The following QSOX2 variants were observed in gnomAD, a reference collection of about 807,000 sequenced individuals.
The protein encoded by QSOX2 is sulfhydryl oxidase 2.
A neutral mutation model predicts 61.7 loss-of-function variants in QSOX2; 46 were observed. That is an observed-to-expected ratio of 0.75 (90% CI 0.59 to 0.95). The LOEUF is 0.95. Among genes scored for constraint, QSOX2 ranks in the 40% least tolerant of loss-of-function variants. The pLI is 0.00. For missense variants in QSOX2, 879 were observed against 918.9 expected (o/e 0.96, Z 0.56); for synonymous variants, 383 against 388.4 (o/e 0.99, Z 0.16).
At position 136,222,847 on chromosome 9, in the gene QSOX2, C is replaced by T. The variant is rs564270574; in HGVS notation, c.676-906G>A. 9.2e-5 allele frequency among the ~76,000 whole-genome samples: 14 copies of T among 152,304 alleles called. No homozygotes were observed. Among genetic ancestry groups the T allele is most frequent in the African/African-American group, 2.2e-4 (9 of 41,574 alleles). On this transcript the variant is annotated intron_variant, in intron 5 of 11. Transcript: ENST00000358701. This position sits in a 1 kb window ranked among gnomAD's most constrained non-coding sequence, Gnocchi z 6.9. The stretch of plus-strand genomic sequence containing the variant: ...GGCCCCGCCCGAGACAGCAAGGGCA[C>T]GAGGGGCCTTGGGACAGGGGTGAGG...
intron 11 of QSOX2, 34 bp downstream of exon 11, chr9:136,211,230 C>G: frequency 6.2e-7 from 1 of 1,606,012 alleles, no homozygotes; most frequent in Non-Finnish European, 8.5e-7. Flanking sequence ...TCCCTCCGCC[C>G]GTGCTGAGCC....
In QSOX2 at chr9:136,218,806, G is replaced by A. The variant is rs202194021; in HGVS notation, c.959C>T (p.Ser320Leu). 44 of 1,612,926 alleles carry A rather than the reference G, an allele frequency of 2.7e-5. No homozygotes were observed. Among genetic ancestry groups the A allele is most frequent in the Middle Eastern group, 1.6e-4 (1 of 6,078 alleles). The change falls in exon 8 of 12, where the codon TCG becomes TTG. Residue 320 changes from serine to leucine, a missense_variant and splice_region_variant. Physicochemically the swap from Ser to Leu is moderately radical, Grantham distance 145. Transcript: ENST00000358701. ...EIVVWREFDK[S>L]KLYTVDLESG... ...CTCCAGGTCCACCGTGTACAGCTTC[G>A]ACCTAGGACGGGATATGGCAGCGTC...
chr9:136,223,945 A>T lies in QSOX2; in HGVS notation c.584+62T>A. 1 of 1,575,810 alleles carries T rather than the reference A, an allele frequency of 6.3e-7. No homozygotes were observed. The highest frequency in any genetic ancestry group is 1.1e-5 in the South Asian group (1 of 90,030). ...TGGCCACATCACTTAATAGAAACCTATTACGTTTCTTGCACAGTTCAACAC... is the reference window on the plus strand; with the variant it reads ...TGGCCACATCACTTAATAGAAACCTTTTACGTTTCTTGCACAGTTCAACAC... On this transcript the variant is annotated intron_variant, in intron 4 of 11. Transcript: ENST00000358701. This position sits in a 1 kb window ranked among gnomAD's most constrained non-coding sequence, Gnocchi z 4.4.
In QSOX2 at chr9:136,222,000, G is replaced by A. The variant is rs535320144; in HGVS notation, c.676-59C>T. The A allele has an allele frequency of 2.2e-5, 32 of 1,487,238 alleles. No homozygotes were observed. The highest frequency in any genetic ancestry group is 8.8e-5 in the Admixed American group (4 of 45,592). 92.1% of individuals were successfully genotyped at this position (1,487,238 alleles called of 1,614,324 possible). Reference sequence around the variant, plus strand: ...GGGCTGGCAGTTTCTCAGAAAACACGACGTGCAGACACATGGCCTTGCAGG... The same window carrying A: ...GGGCTGGCAGTTTCTCAGAAAACACAACGTGCAGACACATGGCCTTGCAGG... On this transcript the variant is annotated intron_variant, in intron 5 of 11. Transcript: ENST00000358701. The surrounding 1 kb of genome is among the most constrained non-coding windows in gnomAD (Gnocchi z 4.5).
In QSOX2 at chr9:136,209,682, C is replaced by G; in HGVS notation, c.1550-407G>C. 1 of 985,134 alleles carries G rather than the reference C, an allele frequency of 1.0e-6. No homozygotes were observed. Among genetic ancestry groups the G allele is most frequent in the Non-Finnish European group, 1.2e-6 (1 of 829,840 alleles). 61.0% of individuals were successfully genotyped at this position (985,134 alleles called of 1,614,324 possible). ...CTCCCCCCACTGCTGCCCCTCTGCCCTTTCCTGAGGGTGCACCTGAGGCCC... is the reference window on the plus strand; with the variant it reads ...CTCCCCCCACTGCTGCCCCTCTGCCGTTTCCTGAGGGTGCACCTGAGGCCC... On this transcript the variant is annotated intron_variant, in intron 11 of 11. Coordinates refer to ENST00000358701, the MANE Select transcript of QSOX2 (RefSeq NM_181701.4). This position sits in a 1 kb window ranked among gnomAD's most constrained non-coding sequence, Gnocchi z 5.6.
Position 136,208,992 on chromosome 9 carries a change from T to G in QSOX2, c.1833A>C (p.Pro611=), listed in dbSNP as rs1831812192. Residue 611 remains proline (P), a synonymous_variant, in exon 12 of 12, where the codon CCA becomes CCC. Coordinates refer to ENST00000358701, the MANE Select transcript of QSOX2 (RefSeq NM_181701.4). ...CAGGCCTGGGGCCCAGTGCACCAGGTGGACGGACGCTCTGGGTGTCTCGGT... is the reference window on the plus strand; with the variant it reads ...CAGGCCTGGGGCCCAGTGCACCAGGGGGACGGACGCTCTGGGTGTCTCGGT... ...HGDRDTQSVR[P]PGALGPRPAL... 1 of 1,613,602 alleles carries G rather than the reference T, an allele frequency of 6.2e-7. No homozygotes were observed. Among genetic ancestry groups the G allele is most frequent in the Non-Finnish European group, 8.5e-7 (1 of 1,179,772 alleles).
intron 1 of QSOX2, among the ~76,000 whole-genome samples, chr9:136,229,769 C>G (rs1489696108): frequency 6.6e-6 from 1 of 152,246 alleles, no homozygotes; most frequent in Non-Finnish European, 1.5e-5. Context: ...AACAAACACA[C>G]AGCACATCCC....
At chr9:136,231,492 A>G (rs1216043743) in intron 1 of QSOX2, among the ~76,000 whole-genome samples, 1 of 152,214 alleles carries the variant, frequency 6.6e-6, no homozygotes, top group Admixed American at 6.5e-5. Flanking sequence ...TCTTCCCAAC[A>G]TATTTCACAC....
rs1273589508 is a variant in QSOX2 at position 136,219,183 on chromosome 9, C to A, written c.822-19G>T. 2.5e-6 allele frequency: 4 copies of A among 1,609,146 alleles called. No homozygotes were observed. The highest frequency in any genetic ancestry group is 2.7e-5 in the African/African-American group (2 of 74,574). On this transcript the variant is annotated intron_variant, in intron 6 of 11. Coordinates refer to ENST00000358701, the MANE Select transcript of QSOX2 (RefSeq NM_181701.4). ...CTTCACGCTGTGAGAGAGGGGAGGG[C>A]AAAGGTGAGAAGAGCCTCCTTTATA...
At chr9:136,239,574 C>T (rs1253031145) in intron 1 of QSOX2, among the ~76,000 whole-genome samples, 1 of 152,228 alleles carries the variant, frequency 6.6e-6, no homozygotes, top group Admixed American at 6.5e-5. Flanking sequence ...CATCCCGGAG[C>T]GTGAATTCAC....
chr9:136,227,418 T>A (rs1251019589), intron 1 of QSOX2, among the ~76,000 whole-genome samples: 1 of 152,210 alleles, frequency 6.6e-6, no homozygotes, highest in East Asian at 1.9e-4. Context: ...CTGGAACACC[T>A]ATGCCATTTT....
chr9:136,235,688 G>A (rs1830374888), intron 1 of QSOX2, among the ~76,000 whole-genome samples: 1 of 152,206 alleles, frequency 6.6e-6, no homozygotes, highest in Admixed American at 6.5e-5. Flanking sequence ...ATCAGCCAGA[G>A]CCCTGAAGAC....
chr9:136,215,253 T>G lies in QSOX2; in HGVS notation c.1261A>C (p.Ser421Arg), dbSNP rs773839611. The part of the protein sequence containing the change: ...NHIKWVGCQG[S>R]RSELRGYPCS... ...GGGTAACCCCTCAACTCAGATCGGCTTCCTTGACATCCAACCCACTTTATG... is the reference window on the plus strand; with the variant it reads ...GGGTAACCCCTCAACTCAGATCGGCGTCCTTGACATCCAACCCACTTTATG... Residue 421 changes from serine to arginine, a missense_variant, in exon 10 of 12, where the codon AGC becomes CGC. Coordinates refer to ENST00000358701, the MANE Select transcript of QSOX2 (RefSeq NM_181701.4). The G allele has an allele frequency of 1.2e-6, 2 of 1,613,942 alleles. No homozygotes were observed. The highest frequency in any genetic ancestry group is 2.7e-5 in the African/African-American group (2 of 74,936).
At position 136,208,721 on chromosome 9, in the gene QSOX2, C is replaced by G; in HGVS notation, c.*7G>C. On this transcript the variant is annotated 3_prime_UTR_variant, in exon 12 of 12. Transcript: ENST00000358701. Reference sequence around the variant, plus strand: ...AGCTTCCGCCGTGGCTGGCAGCACCCGGGCACTCACACGGCCGGGTGGTGG... The same window carrying G: ...AGCTTCCGCCGTGGCTGGCAGCACCGGGGCACTCACACGGCCGGGTGGTGG... 3 of 1,598,376 alleles carry G rather than the reference C, an allele frequency of 1.9e-6. No individual in the cohort carries two copies. Among genetic ancestry groups the G allele is most frequent in the Non-Finnish European group, 2.6e-6 (3 of 1,169,148 alleles).
rs1371895032 is a variant in QSOX2, at chr9:136,208,056, CT to C, written c.*671del. ...GCCACAGAATTCCTTGGCTCCTCCC[CT>C]GTTGAAATCCCCACGTCTGGTGTCG... is the stretch of plus-strand genomic sequence containing the variant. On this transcript the variant is annotated 3_prime_UTR_variant, in exon 12 of 12. Coordinates refer to ENST00000358701, the MANE Select transcript of QSOX2 (RefSeq NM_181701.4). The C allele has an allele frequency of 3.3e-5, 5 of 152,184 alleles. No homozygotes were observed. Among genetic ancestry groups the C allele is most frequent in the African/African-American group, 1.2e-4 (5 of 41,320 alleles). The allele number at this position is 152,184 out of a possible 1,614,324, so 9.4% of individuals were successfully genotyped here.
intron 1 of QSOX2, 54 bp from the exon 2 acceptor site, chr9:136,226,928 C>T: frequency 1.3e-6 from 2 of 1,510,410 alleles, no homozygotes; most frequent in Admixed American, 1.7e-5. Context: ...TCCCGGGAAG[C>T]CCAGGACCCA....
At position 136,206,657 on chromosome 9, in the gene QSOX2, G is replaced by A. The variant is rs1177038423; in HGVS notation, c.*2071C>T. On this transcript the variant is annotated 3_prime_UTR_variant, in exon 12 of 12. Transcript: ENST00000358701. ...TGACTCCTGGGGCCACCTCCACGAC[G>A]GCCCAGCCCCACCGACGCTCTGCTG... 23 of 151,924 alleles carry A rather than the reference G, an allele frequency of 1.5e-4. No homozygotes were observed. The East Asian group carries it at 2.1e-3, about 14-fold the overall frequency. The allele number at this position is 151,924 out of a possible 1,614,324, so 9.4% of individuals were successfully genotyped here. A position where few individuals can be genotyped will look rare whatever the true frequency, so the allele number is the denominator to read the frequency against.
chr9:136,209,326 C>T lies in QSOX2; in HGVS notation c.1550-51G>A. On this transcript the variant is annotated intron_variant, in intron 11 of 11. Coordinates refer to ENST00000358701, the MANE Select transcript of QSOX2 (RefSeq NM_181701.4). The surrounding 1 kb of genome is among the most constrained non-coding windows in gnomAD (Gnocchi z 5.6). ...CCAGAGGGAAGGAGGCTTTGTGCAGCCACGTGCAGCGTGCGGCAACCGGAC... is the reference window on the plus strand; with the variant it reads ...CCAGAGGGAAGGAGGCTTTGTGCAGTCACGTGCAGCGTGCGGCAACCGGAC... 1 of 1,574,114 alleles carries T rather than the reference C, an allele frequency of 6.4e-7. No individual in the cohort carries two copies. The highest frequency in any genetic ancestry group is 1.8e-5 in the Admixed American group (1 of 56,906).
chr9:136,240,284 T>C (rs1465910869), intron 1 of QSOX2, among the ~76,000 whole-genome samples: 1 of 152,252 alleles, frequency 6.6e-6, no homozygotes, highest in Non-Finnish European at 1.5e-5. Flanking sequence ...TCAAATGTGC[T>C]TGTCAAATAA....
Sources: allele counts gnomAD v4.1 joint callset (sites outside exome capture counted in the v4.1 genomes callset), GRCh38; gene constraint gnomAD v4.1.1; non-coding constraint Gnocchi (gnomAD v3.1); transcripts MANE v1.5; gene names NCBI Gene and HGNC (gene_info 2026-07-23, HGNC 2026-07-21).